DGKZ: variants seen among roughly 807,000 people sequenced by gnomAD.
DGKZ encodes the protein DAG kinase zeta.
A neutral mutation model predicts 142.5 loss-of-function variants in DGKZ; 45 were observed. That is an observed-to-expected ratio of 0.32 (90% CI 0.25 to 0.40). The LOEUF is 0.40. Ranked by LOEUF, DGKZ falls within the 10% of genes least tolerant of loss-of-function variation. DGKZ has a pLI of 1.00. For missense variants in DGKZ, 755 were observed against 1,306.5 expected (o/e 0.58, Z 6.51); for synonymous variants, 442 against 527.0 (o/e 0.84, Z 2.21).
chr11:46,378,064 C>T, intron 25 of DGKZ, 134 bp from the exon 26 acceptor site: 1 of 1,153,282 alleles, frequency 8.7e-7, no homozygotes, highest in South Asian at 1.3e-5. Context: ...TCCCCAGTGC[C>T]TGGAATAGTG....
At chr11:46,377,445 C>T (rs1009501911) in intron 25 of DGKZ, 2 of 730,826 alleles carry the variant, frequency 2.7e-6, no homozygotes, top group African/African-American at 1.8e-5. Context: ...ATCCTTCAGC[C>T]AGTCCTGGCA....
chr11:46,366,812 C>T (rs1428272282), intron 1 of DGKZ: 1 of 1,546,432 alleles, frequency 6.5e-7, no homozygotes. Context: ...CTACTATCGG[C>T]GCCTCAGCCA....
At chr11:46,345,548 G>C, upstream of DGKZ, 1 of 1,528,352 alleles carries the variant, frequency 6.5e-7, no homozygotes, top group Non-Finnish European at 8.8e-7. This position sits in a 1 kb window ranked among gnomAD's most constrained non-coding sequence, Gnocchi z 4.1. Context: ...CCGCTCCTGG[G>C]ACGTGCCACA....
At chr11:46,352,870 GACTTGGCTGGC>G (rs1323057621) in intron 1 of DGKZ, among the ~76,000 whole-genome samples, 53 of 152,360 alleles carry the variant, frequency 3.5e-4, no homozygotes, top group African/African-American at 1.3e-3. Context: ...TTCAGCACAG[GACTTGGCTGGC>G]ACTTGGGTCA....
chr11:46,358,475 A>G (rs1462632420), intron 1 of DGKZ, among the ~76,000 whole-genome samples: 1 of 152,110 alleles, frequency 6.6e-6, no homozygotes, highest in African/African-American at 2.4e-5. Flanking sequence ...AGATGTAGGT[A>G]TTTGGCAGAC....
In DGKZ at chr11:46,367,071, A is replaced by G. The variant is rs562597247; in HGVS notation, c.162-220A>G. 11 of 1,441,456 alleles carry G rather than the reference A, an allele frequency of 7.6e-6. No individual in the cohort carries two copies. In the South Asian group the frequency reaches 1.5e-4, roughly 20 times the overall value. 89.3% of individuals were successfully genotyped at this position (1,441,456 alleles called of 1,614,324 possible). On this transcript the variant is annotated intron_variant, in intron 1 of 30. Coordinates refer to ENST00000527911, the Ensembl canonical transcript of DGKZ. The surrounding 1 kb of genome is among the most constrained non-coding windows in gnomAD (Gnocchi z 4.1). The stretch of plus-strand genomic sequence containing the variant: ...TGGGCCTTGAAGCTCTGCCTGGCTG[A>G]GGGTTCCCCACTTGGGAACACTCTG...
chr11:46,340,633 A>C (rs1206671568), intron 1 of DGKZ, among the ~76,000 whole-genome samples: 4 of 152,178 alleles, frequency 2.6e-5, no homozygotes, highest in African/African-American at 9.7e-5. Context: ...GACTTTCGTG[A>C]AGCTACCCAA....
At chr11:46,378,308 G>GACACAGCCTTACACAA in intron 26 of DGKZ, 79 bp downstream of exon 26, 1 of 1,552,866 alleles carries the variant, frequency 6.4e-7, no homozygotes, top group South Asian at 1.2e-5. Context: ...ATAGGGCCCA[G>GACACAGCCTTACACAA]ACACAGCCTT....
rs199613448 is a variant in DGKZ at position 46,376,604 on chromosome 11, G to A, written c.2202+40G>A. The A allele has an allele frequency of 6.6e-5, 107 of 1,611,970 alleles. No individual in the cohort carries two copies. The African/African-American group carries it at 9.9e-4, about 15-fold the overall frequency. On this transcript the variant is annotated intron_variant, in intron 24 of 30. Transcript: ENST00000527911. ...GCCTGCTCCAGCCACAGCTGCTTCC[G>A]GGCCCCAGGGTCGCCTCTCCTGGGA...
chr11:46,337,718 C>T (rs1940081732), intron 1 of DGKZ, among the ~76,000 whole-genome samples: 1 of 151,982 alleles, frequency 6.6e-6, no homozygotes, highest in Non-Finnish European at 1.5e-5. Flanking sequence ...GGTTTGGAAA[C>T]CACTGGTTTT....
chr11:46,354,097 C>T (rs552433927), intron 1 of DGKZ, among the ~76,000 whole-genome samples: 1 of 152,290 alleles, frequency 6.6e-6, no homozygotes, highest in Non-Finnish European at 1.5e-5. Flanking sequence ...GGGAGACCTT[C>T]CTTCCATCCT....
At chr11:46,338,431 G>T (rs1247703676) in intron 1 of DGKZ, among the ~76,000 whole-genome samples, 1 of 145,518 alleles carries the variant, frequency 6.9e-6, no homozygotes, top group Non-Finnish European at 1.5e-5. Context: ...GGTAGGCAAA[G>T]GTTGCAGTAA....
rs560356746 is a variant in DGKZ, at chr11:46,373,486, G to GT, written c.1326+396dup. On this transcript the variant is annotated intron_variant, in intron 14 of 30. Coordinates refer to ENST00000527911, the Ensembl canonical transcript of DGKZ. ...TTTTCTGTTTTCTTTTTTTTTTCTT[G>GT]TTTTTTTTTTTGTTTTTGTTTTTTG... is the stretch of plus-strand genomic sequence containing the variant. Among the ~76,000 whole-genome samples the GT allele has an allele frequency of 4.9e-3, 638 of 129,480 alleles. 5 individuals carry two copies. Among genetic ancestry groups the GT allele is most frequent in the African/African-American group, 0.011 (379 of 34,970 alleles). 84.9% of individuals were successfully genotyped at this position (129,480 alleles called of 152,430 possible). A position where few individuals can be genotyped will look rare whatever the true frequency, so the allele number is the denominator to read the frequency against.
In DGKZ at chr11:46,367,066, G is replaced by A. The variant is rs1487187501; in HGVS notation, c.162-225G>A. 5 of 1,447,560 alleles carry A rather than the reference G, an allele frequency of 3.5e-6. No homozygotes were observed. In the African/African-American group the frequency reaches 4.3e-5, roughly 12 times the overall value. 89.7% of individuals were successfully genotyped at this position (1,447,560 alleles called of 1,614,324 possible). On this transcript the variant is annotated intron_variant, in intron 1 of 30. Coordinates refer to ENST00000527911, the Ensembl canonical transcript of DGKZ. This position sits in a 1 kb window ranked among gnomAD's most constrained non-coding sequence, Gnocchi z 4.1. ...GGGCATGGGCCTTGAAGCTCTGCCTGGCTGAGGGTTCCCCACTTGGGAACA... is the reference window on the plus strand; with the variant it reads ...GGGCATGGGCCTTGAAGCTCTGCCTAGCTGAGGGTTCCCCACTTGGGAACA...
At chr11:46,369,464 C>T (rs1442916936) in intron 4 of DGKZ, 30 bp from the exon 5 acceptor site, 5 of 1,613,876 alleles carry the variant, frequency 3.1e-6, no homozygotes, top group South Asian at 1.1e-5. Context: ...GAGGTTCTGA[C>T]ATTTTGGTGG....
intron 1 of DGKZ, chr11:46,366,747 C>G: frequency 6.4e-7 from 1 of 1,551,294 alleles, no homozygotes; most frequent in Non-Finnish European, 8.7e-7. Context: ...CGAGCCTCCT[C>G]CCACCTGCTC....
At position 46,372,066 on chromosome 11, in the gene DGKZ, G is replaced by T. The variant is rs1944006655; in HGVS notation, c.832-9G>T. On this transcript the variant is annotated splice_polypyrimidine_tract_variant and intron_variant, in intron 9 of 30. Transcript: ENST00000527911. The surrounding 1 kb of genome is among the most constrained non-coding windows in gnomAD (Gnocchi z 5.9). ...GAAGGAGCTTACAGCCTCTCACCTT[G>T]TCTCCCAGGAGGGCCGCTGGAGACC... 1.2e-6 allele frequency: 2 copies of T among 1,605,236 alleles called. No homozygotes were observed. Among genetic ancestry groups the T allele is most frequent in the African/African-American group, 2.7e-5 (2 of 74,692 alleles).
intron 1 of DGKZ, among the ~76,000 whole-genome samples, chr11:46,359,837 C>G (rs544797751): frequency 2.0e-5 from 3 of 148,334 alleles, no homozygotes; most frequent in East Asian, 2.0e-4. Context: ...AGACTGGTCT[C>G]GAACTCCTGA....
chr11:46,353,174 G>C (rs996808841), intron 1 of DGKZ, among the ~76,000 whole-genome samples: 7 of 152,170 alleles, frequency 4.6e-5, no homozygotes, highest in African/African-American at 1.7e-4. Context: ...TAGTTGGTTT[G>C]ATTCCCATTT....
Sources: allele counts gnomAD v4.1 joint callset (sites outside exome capture counted in the v4.1 genomes callset), GRCh38; gene constraint gnomAD v4.1.1; non-coding constraint Gnocchi (gnomAD v3.1); transcripts MANE v1.5; gene names NCBI Gene and HGNC (gene_info 2026-07-23, HGNC 2026-07-21).